Variants in RAD52 observed in about 807,000 individuals in gnomAD.
RAD52 encodes RAD52 DNA repair protein.
RAD52 carries 47 observed loss-of-function variants against 55.5 expected under a neutral mutation model. The observed-to-expected ratio is 0.85, with a 90% CI of 0.67 to 1.08. The LOEUF (loss-of-function observed/expected upper bound fraction) is 1.08. RAD52 is among the 50% of genes least tolerant of loss of function. The pLI is 0.00. For synonymous variants in RAD52, 184 were observed against 198.9 expected (o/e 0.92, Z 0.63); for missense variants, 468 against 522.8 (o/e 0.90, Z 1.02).
intron 1 of RAD52, among the ~76,000 whole-genome samples, chr12:972,384 G>A (rs993630214): frequency 2.6e-5 from 4 of 152,132 alleles, no homozygotes; most frequent in African/African-American, 7.2e-5. Flanking sequence ...GGGCACCAGG[G>A]AAGGCTCAGG....
At chr12:987,519 T>C (rs1565718721) in intron 1 of RAD52, among the ~76,000 whole-genome samples, 3 of 151,958 alleles carry the variant, frequency 2.0e-5, no homozygotes, top group African/African-American at 2.4e-5. Context: ...CTTTATCTTA[T>C]TTTCTCTCAC....
chr12:971,285 T>C (rs1287544577), intron 1 of RAD52, among the ~76,000 whole-genome samples: 1 of 152,046 alleles, frequency 6.6e-6, no homozygotes, highest in Admixed American at 6.6e-5. Context: ...GGGAAGGGCA[T>C]GGTATTTTTT....
intron 1 of RAD52, among the ~76,000 whole-genome samples, chr12:946,029 A>C (rs981211551): frequency 2.0e-5 from 3 of 151,998 alleles, no homozygotes; most frequent in African/African-American, 7.2e-5. Context: ...GTCTCAAAAA[A>C]AACAAAAAAA....
At chr12:937,708 G>A (rs1268178399) in intron 1 of RAD52, among the ~76,000 whole-genome samples, 1 of 152,090 alleles carries the variant, frequency 6.6e-6, no homozygotes, top group East Asian at 1.9e-4. Context: ...CTACAGGTGT[G>A]AGCCACCGCG....
At chr12:981,885 C>G (rs1959021729) in intron 1 of RAD52, among the ~76,000 whole-genome samples, 1 of 152,166 alleles carries the variant, frequency 6.6e-6, no homozygotes. Flanking sequence ...CCCTCCTGGC[C>G]CAGTGGATTA....
intron 1 of RAD52, among the ~76,000 whole-genome samples, chr12:968,534 C>G (rs998297957): frequency 6.6e-6 from 1 of 152,062 alleles, no homozygotes; most frequent in Non-Finnish European, 1.5e-5. Context: ...AAATAAAAAC[C>G]CTTTTCTCCA....
intron 1 of RAD52, among the ~76,000 whole-genome samples, chr12:980,624 CAG>C (rs1959001936): frequency 6.8e-6 from 1 of 146,454 alleles, no homozygotes; most frequent in Admixed American, 6.9e-5. Flanking sequence ...TTTTCTGAGA[CAG>C]AGTCTTGCTC....
chr12:980,036 A>C (rs948736479), intron 1 of RAD52, among the ~76,000 whole-genome samples: 24 of 151,888 alleles, frequency 1.6e-4, no homozygotes, highest in Non-Finnish European at 2.6e-4. Context: ...TAAAAATACG[A>C]AAATTTGCTG....
intron 7 of RAD52, among the ~76,000 whole-genome samples, chr12:922,209 A>T (rs965074013): frequency 1.3e-5 from 2 of 151,300 alleles, no homozygotes; most frequent in Non-Finnish European, 2.9e-5. Flanking sequence ...AAAAAAAAAA[A>T]AAAACCAAAA....
chr12:965,799 G>A (rs954149520), intron 1 of RAD52, among the ~76,000 whole-genome samples: 4 of 151,702 alleles, frequency 2.6e-5, no homozygotes, highest in East Asian at 1.9e-4. Context: ...GATTTTTCAT[G>A]CCTCAGCCTC....
chr12:913,874 C>CCTAA lies in RAD52; in HGVS notation c.1195+16_1195+19dup. 1 of 1,602,762 alleles carries CCTAA rather than the reference C, an allele frequency of 6.2e-7. No individual in the cohort carries two copies. The highest frequency in any genetic ancestry group is 1.3e-5 in the African/African-American group (1 of 74,734). ...CTAGGATCTCCCCTTAATTTTTGTGCCTAAACACCTCTCTGCTACCTGTTG... is the reference window on the plus strand; with the variant it reads ...CTAGGATCTCCCCTTAATTTTTGTGCCTAACTAAACACCTCTCTGCTACCTGTTG... On this transcript the variant is annotated intron_variant, in intron 11 of 11. Coordinates refer to ENST00000358495, the MANE Select transcript of RAD52 (RefSeq NM_134424.4).
intron 1 of RAD52, among the ~76,000 whole-genome samples, chr12:948,371 G>T (rs535709407): frequency 1.2e-4 from 18 of 152,290 alleles, no homozygotes; most frequent in Non-Finnish European, 2.4e-4. Context: ...ACAACCTTGT[G>T]AATATATTAA....
At chr12:934,068 C>T (rs530737095) in intron 1 of RAD52, among the ~76,000 whole-genome samples, 29 of 149,696 alleles carry the variant, frequency 1.9e-4, no homozygotes, top group Non-Finnish European at 3.7e-4. Flanking sequence ...CCCCATCGCA[C>T]TCCAGCCTGG....
chr12:939,085 T>TGTGTGTGTGGAG (rs57206780), intron 1 of RAD52, among the ~76,000 whole-genome samples: 1 of 144,650 alleles, frequency 6.9e-6, no homozygotes, highest in Non-Finnish European at 1.5e-5. Flanking sequence ...TGTGTGTGTG[T>TGTGTGTGTGGAG]AGAGAGAGAG....
At chr12:916,320 G>A (rs369262079) in intron 9 of RAD52, 24 bp downstream of exon 9, 11 of 1,601,882 alleles carry the variant, frequency 6.9e-6, no homozygotes, top group Non-Finnish European at 9.3e-6. Flanking sequence ...GCCTCCCAGG[G>A]CCCTGCTCCC....
chr12:944,203 G>A (rs1397537019), intron 1 of RAD52, among the ~76,000 whole-genome samples: 5 of 150,814 alleles, frequency 3.3e-5, no homozygotes, highest in East Asian at 3.9e-4. Flanking sequence ...GTGACAGAAC[G>A]AGACTGTCTC....
At position 916,337 on chromosome 12, in the gene RAD52, C is replaced by T. The variant is rs747518116; in HGVS notation, c.865+7G>A. The T allele has an allele frequency of 6.2e-7, 1 of 1,604,232 alleles. No homozygotes were observed. The highest frequency in any genetic ancestry group is 8.5e-7 in the Non-Finnish European group (1 of 1,179,914). On this transcript the variant is annotated splice_region_variant and intron_variant, in intron 9 of 11. Transcript: ENST00000358495. ...CTCCCAGGGCCCTGCTCCCACCCCT[C>T]GCTCACCCTCACTCTTCTCAGCTGA...
chr12:925,365 C>T, intron 7 of RAD52, 85 bp downstream of exon 7: 1 of 1,179,684 alleles, frequency 8.5e-7, no homozygotes, highest in Non-Finnish European at 1.3e-6. Context: ...CTCACTTTTT[C>T]TCCTTGCATC....
chr12:931,536 ACT>A (rs1214027759), intron 2 of RAD52, among the ~76,000 whole-genome samples: 2 of 152,086 alleles, frequency 1.3e-5, no homozygotes, highest in African/African-American at 4.8e-5. Context: ...CATATCATGC[ACT>A]CTCTGAAAAC....
Sources: gnomAD v4.1 joint callset for allele counts (sites outside exome capture counted in the v4.1 genomes callset) on GRCh38, gnomAD v4.1.1 for gene constraint, MANE v1.5 for transcripts, NCBI Gene and HGNC (gene_info 2026-07-23, HGNC 2026-07-21) for gene names.